Variants in AGTR1 observed in about 807,000 individuals in gnomAD.
AGTR1 encodes the protein angiotensin II receptor type 1, also known as type-1 angiotensin II receptor.
Under a neutral mutation model 19.4 loss-of-function variants are expected in AGTR1, and 16 were observed. That is an observed-to-expected ratio of 0.82 (90% CI 0.56 to 1.25). The LOEUF (loss-of-function observed/expected upper bound fraction) is 1.25. AGTR1 is among the 50% of genes most tolerant of loss of function. The pLI is 0.00. For missense variants in AGTR1, 373 were observed against 431.9 expected, an observed-to-expected ratio of 0.86 and a Z score of 1.21; for synonymous variants, 153 against 154.9, an observed-to-expected ratio of 0.99 and a Z score of 0.09.
intron 2 of AGTR1, among the ~76,000 whole-genome samples, chr3:148,727,779 G>T (rs1714038570): frequency 6.6e-6 from 1 of 152,134 alleles, no homozygotes; most frequent in Non-Finnish European, 1.5e-5. Flanking sequence ...TATAATGCAT[G>T]AAATAAAAGC....
At chr3:148,739,968 C>T (rs1414016772) in intron 2 of AGTR1, 1 of 1,231,696 alleles carries the variant, frequency 8.1e-7, no homozygotes, top group East Asian at 3.2e-5. Context: ...TGATGTCACT[C>T]TCACTGAACC....
intron 1 of AGTR1, among the ~76,000 whole-genome samples, 173 bp from the exon 2 acceptor site, chr3:148,707,770 CA>C (rs966764854): frequency 7.9e-5 from 12 of 152,104 alleles, no homozygotes; most frequent in African/African-American, 2.7e-4. Context: ...CTGTGCCCAC[CA>C]CTTAATGCAG....
intron 2 of AGTR1, among the ~76,000 whole-genome samples, chr3:148,709,930 T>C (rs1712890209): frequency 6.6e-6 from 1 of 152,170 alleles, no homozygotes; most frequent in Non-Finnish European, 1.5e-5. Context: ...TGGCTTAAAA[T>C]TTATAGACCT....
chr3:148,721,595 A>C (rs968494067), intron 2 of AGTR1, among the ~76,000 whole-genome samples: 2 of 152,210 alleles, frequency 1.3e-5, no homozygotes, highest in Non-Finnish European at 2.9e-5. Flanking sequence ...GGATTGTCCC[A>C]GCCCACTGCC....
rs781661626 is a variant in AGTR1, at chr3:148,742,911, ATG to A, written c.*798_*799del. ...AAAAAAGTATATATTCTACACATAT[ATG>A]TATATGTATATCTATATCTCTAAAC... is the stretch of plus-strand genomic sequence containing the variant. On this transcript the variant is annotated 3_prime_UTR_variant, in exon 3 of 3. Coordinates refer to ENST00000349243, the MANE Select transcript of AGTR1 (RefSeq NM_000685.5). 225 of 166,326 alleles carry A rather than the reference ATG, an allele frequency of 1.4e-3. 2 individuals carry two copies. Among genetic ancestry groups the A allele is most frequent in the Non-Finnish European group, 1.8e-3 (121 of 68,058 alleles). The allele number at this position is 166,326 out of a possible 1,614,324, so 10.3% of individuals were successfully genotyped here. A position where few individuals can be genotyped will look rare whatever the true frequency, so the allele number is the denominator to read the frequency against.
rs745868057 is a variant in AGTR1 at position 148,741,289 on chromosome 3, C to A, written c.254C>A (p.Ala85Asp). ...LCFLLTLPLW[A>D]VYTAMEYRWP... ...TTTTTACTGACTTTGCCACTATGGG[C>A]TGTCTACACAGCTATGGAATACCGC... Residue 85 changes from alanine to aspartate, a missense_variant, in exon 3 of 3, where the codon GCT (alanine) becomes GAT (aspartate). Physicochemically the swap from Ala to Asp is moderately radical, Grantham distance 126. Coordinates refer to ENST00000349243, the MANE Select transcript of AGTR1 (RefSeq NM_000685.5). 1.9e-6 allele frequency: 3 copies of A among 1,612,930 alleles called. No homozygotes were observed. The highest frequency in any genetic ancestry group is 2.5e-6 in the Non-Finnish European group (3 of 1,180,018).
chr3:148,726,934 C>T (rs1476114357), intron 2 of AGTR1, among the ~76,000 whole-genome samples: 2 of 152,176 alleles, frequency 1.3e-5, no homozygotes, highest in African/African-American at 2.4e-5. Context: ...ATAATTTCCA[C>T]TGATTTAGCT....
At chr3:148,738,121 C>T (rs1283906801) in intron 2 of AGTR1, among the ~76,000 whole-genome samples, 2 of 152,054 alleles carry the variant, frequency 1.3e-5, no homozygotes, top group African/African-American at 2.4e-5. Context: ...TTAATGGAAC[C>T]CACATGAGTT....
chr3:148,717,762 T>G (rs1713383488), intron 2 of AGTR1, among the ~76,000 whole-genome samples: 1 of 152,198 alleles, frequency 6.6e-6, no homozygotes, highest in African/African-American at 2.4e-5. Flanking sequence ...AAAACTTAAT[T>G]ACTTTAAATA....
At position 148,741,486 on chromosome 3, in the gene AGTR1, A is replaced by G; in HGVS notation, c.451A>G (p.Ile151Val). 6.2e-7 allele frequency: 1 copy of G among 1,613,676 alleles called. No individual in the cohort carries two copies. ...TMLVAKVTCIIIWLLAGLASL... is the reference protein window; with the variant it reads ...TMLVAKVTCIVIWLLAGLASL... ...GCTTGTAGCCAAAGTCACCTGCATCATCATTTGGCTGCTGGCAGGCTTGGC... is the reference window on the plus strand; with the variant it reads ...GCTTGTAGCCAAAGTCACCTGCATCGTCATTTGGCTGCTGGCAGGCTTGGC... The change falls in exon 3 of 3, where the codon ATC becomes GTC. Residue 151 changes from isoleucine (I) to valine (V), a missense_variant. Coordinates refer to ENST00000349243, the MANE Select transcript of AGTR1 (RefSeq NM_000685.5).
At chr3:148,709,903 T>G (rs946086517) in intron 2 of AGTR1, among the ~76,000 whole-genome samples, 3 of 152,158 alleles carry the variant, frequency 2.0e-5, no homozygotes, top group African/African-American at 7.2e-5. Flanking sequence ...AATGAATAAA[T>G]AAAGAACCGT....
chr3:148,704,505 T>C (rs548184911), intron 1 of AGTR1, among the ~76,000 whole-genome samples: 309 of 152,352 alleles, frequency 2.0e-3, no homozygotes, highest in African/African-American at 6.8e-3. Flanking sequence ...TTCTGTTTTC[T>C]ACATACACAT....
chr3:148,740,924 G>GT, intron 2 of AGTR1, 65 bp from the exon 3 acceptor site: 1 of 1,405,674 alleles, frequency 7.1e-7, no homozygotes, highest in Non-Finnish European at 9.8e-7. Context: ...AGAAATGAAT[G>GT]TTTGTTAGTT....
chr3:148,742,043 G>A lies in AGTR1; in HGVS notation c.1008G>A (p.Thr336=), dbSNP rs143432118. ...SHSNLSTKMS[T]LSYRPSDNVS... is the part of the protein sequence containing the mutation. Reference sequence around the variant, plus strand: ...CAAACCTTTCAACAAAAATGAGCACGCTTTCCTACCGCCCCTCAGATAATG... The same window carrying A: ...CAAACCTTTCAACAAAAATGAGCACACTTTCCTACCGCCCCTCAGATAATG... Residue 336 remains threonine, a synonymous_variant, in exon 3 of 3, where the codon ACG becomes ACA. Transcript: ENST00000349243. 680 of 1,613,722 alleles carry A rather than the reference G, an allele frequency of 4.2e-4. No homozygotes were observed. The highest frequency in any genetic ancestry group is 7.8e-4 in the Admixed American group (47 of 59,954).
chr3:148,699,357 C>A (rs1253972737), intron 1 of AGTR1, among the ~76,000 whole-genome samples: 1 of 152,144 alleles, frequency 6.6e-6, no homozygotes, highest in Non-Finnish European at 1.5e-5. Context: ...GCTTTAACCC[C>A]CTTATAAGTC....
chr3:148,709,115 G>GT (rs899456731), intron 2 of AGTR1, among the ~76,000 whole-genome samples: 1 of 151,718 alleles, frequency 6.6e-6, no homozygotes, highest in Non-Finnish European at 1.5e-5. Flanking sequence ...GTTTTGGGAG[G>GT]TTTTTTTTCT....
At chr3:148,705,306 A>G (rs750522689) in intron 1 of AGTR1, among the ~76,000 whole-genome samples, 1 of 152,082 alleles carries the variant, frequency 6.6e-6, no homozygotes, top group Non-Finnish European at 1.5e-5. Context: ...CAGCACATAT[A>G]TTTTCCTTCA....
intron 1 of AGTR1, among the ~76,000 whole-genome samples, chr3:148,705,135 C>T (rs1206897910): frequency 2.6e-5 from 4 of 152,086 alleles, no homozygotes; most frequent in African/African-American, 9.7e-5. Flanking sequence ...TCACTAAGCC[C>T]CAATATTTGT....
Position 148,742,229 on chromosome 3 carries a change from A to C in AGTR1, c.*114A>C. On this transcript the variant is annotated 3_prime_UTR_variant, in exon 3 of 3. Transcript: ENST00000349243. ...AGCTACTTTTCAGAATTGAAGGAGA[A>C]AATGCATTATGTGGACTGAACCGAC... 3.5e-6 allele frequency: 5 copies of C among 1,421,502 alleles called. No individual in the cohort carries two copies. The highest frequency in any genetic ancestry group is 4.0e-6 in the Non-Finnish European group (4 of 1,005,470). 88.1% of individuals were successfully genotyped at this position (1,421,502 alleles called of 1,614,324 possible).
Sources: gnomAD v4.1 joint callset for allele counts (sites outside exome capture counted in the v4.1 genomes callset) on GRCh38, gnomAD v4.1.1 for gene constraint, MANE v1.5 for transcripts, NCBI Gene and HGNC (gene_info 2026-07-23, HGNC 2026-07-21) for gene names.